GALNT13: variants seen among roughly 807,000 people sequenced by gnomAD.
The protein encoded by GALNT13 is UDP-GalNAc:polypeptide N-acetylgalactosaminyltransferase 13.
A neutral mutation model predicts 64.2 loss-of-function variants in GALNT13; 28 were observed. The ratio of observed to expected loss-of-function variants is 0.44; its 90% CI spans 0.32 to 0.60. The LOEUF is 0.60. GALNT13 is among the 20% of genes least tolerant of loss of function. The pLI, the probability that GALNT13 is intolerant of heterozygous loss-of-function variation, is 0.05. For synonymous variants in GALNT13, 214 were observed against 224.6 expected, an observed-to-expected ratio of 0.95 and a Z score of 0.42; for missense variants, 577 against 669.8, an observed-to-expected ratio of 0.86 and a Z score of 1.53.
intron 3 of GALNT13, among the ~76,000 whole-genome samples, chr2:154,099,879 G>T (rs898904351): frequency 1.3e-5 from 2 of 152,098 alleles, no homozygotes; most frequent in African/African-American, 2.4e-5. Context: ...GGTTGAGGCT[G>T]CAGTGAGCTG....
intron 4 of GALNT13, among the ~76,000 whole-genome samples, chr2:154,223,568 C>G (rs1194246970): frequency 6.6e-6 from 1 of 151,226 alleles, no homozygotes; most frequent in Non-Finnish European, 1.5e-5. Flanking sequence ...TCTCCTGCCT[C>G]AGCCTCCTGA....
At chr2:153,529,270 G>A in the GALNT13 span, among the ~76,000 whole-genome samples, 1 of 151,962 alleles carries the variant, frequency 6.6e-6, no homozygotes, top group Non-Finnish European at 1.5e-5. Context: ...ATGATTTGTG[G>A]CTACTATGAG....
chr2:153,524,094 G>T, the GALNT13 span, among the ~76,000 whole-genome samples: 2 of 151,984 alleles, frequency 1.3e-5, no homozygotes, highest in Non-Finnish European at 2.9e-5. Flanking sequence ...ACCTGTTGAC[G>T]TGATGAATTA....
At chr2:153,993,914 CT>C (rs921208978) in intron 3 of GALNT13, among the ~76,000 whole-genome samples, 27 of 151,668 alleles carry the variant, frequency 1.8e-4, no homozygotes, top group East Asian at 7.8e-4. Flanking sequence ...TAATTGTTTT[CT>C]TTTTTTTGTT....
At chr2:153,562,006 T>G in the GALNT13 span, among the ~76,000 whole-genome samples, 2 of 151,314 alleles carry the variant, frequency 1.3e-5, no homozygotes, top group Admixed American at 6.6e-5. Flanking sequence ...TTGCCCCTTT[T>G]CTTTACCATT....
the GALNT13 span, among the ~76,000 whole-genome samples, chr2:153,133,972 C>T: frequency 2.0e-5 from 3 of 152,166 alleles, no homozygotes; most frequent in African/African-American, 4.8e-5. Context: ...ATTTGGAATG[C>T]ATATCACTAC....
chr2:154,372,089 A>T (rs563074310), intron 9 of GALNT13, among the ~76,000 whole-genome samples: 1 of 152,124 alleles, frequency 6.6e-6, no homozygotes, highest in African/African-American at 2.4e-5. Flanking sequence ...TTTTCAGTCA[A>T]TAGTACAGAA....
the GALNT13 span, among the ~76,000 whole-genome samples, chr2:153,291,152 T>C: frequency 7.9e-5 from 12 of 152,350 alleles, no homozygotes; most frequent in South Asian, 2.5e-3. Flanking sequence ...GTCCTAATCA[T>C]GATTGTTAAT....
the GALNT13 span, among the ~76,000 whole-genome samples, chr2:153,149,288 C>T: frequency 6.6e-6 from 1 of 151,810 alleles, no homozygotes; most frequent in Non-Finnish European, 1.5e-5. Flanking sequence ...CAAGGTCCCA[C>T]AGAAATCAGC....
At chr2:154,454,968 A>G (rs1274679426), downstream of GALNT13, among the ~76,000 whole-genome samples, 1 of 152,140 alleles carries the variant, frequency 6.6e-6, no homozygotes, top group Non-Finnish European at 1.5e-5. Context: ...ATTAGGTTCT[A>G]TGTTATGGAG....
chr2:154,253,218 A>G (rs902579177), intron 7 of GALNT13, among the ~76,000 whole-genome samples: 1 of 152,176 alleles, frequency 6.6e-6, no homozygotes, highest in South Asian at 2.1e-4. Context: ...CAATCTAGCT[A>G]TGAAGTCCAG....
At chr2:154,042,723 T>TA (rs59381330) in intron 3 of GALNT13, among the ~76,000 whole-genome samples, 3 of 145,952 alleles carry the variant, frequency 2.1e-5, no homozygotes, top group African/African-American at 7.5e-5. Flanking sequence ...TATATATATA[T>TA]TAGGTTTTCA....
At chr2:153,653,670 G>A in the GALNT13 span, among the ~76,000 whole-genome samples, 1 of 152,068 alleles carries the variant, frequency 6.6e-6, no homozygotes, top group Admixed American at 6.6e-5. Flanking sequence ...TAAAGTCTAT[G>A]AGTATACATG....
the GALNT13 span, among the ~76,000 whole-genome samples, chr2:153,661,947 A>AGTCTTTCAAGTGGGATTGC: frequency 6.6e-6 from 1 of 152,206 alleles, no homozygotes; most frequent in Admixed American, 6.5e-5. Flanking sequence ...CTTGGGATAG[A>AGTCTTTCAAGTGGGATTGC]GTCTTTCAAG....
At chr2:153,373,561 T>A in the GALNT13 span, among the ~76,000 whole-genome samples, 1 of 152,188 alleles carries the variant, frequency 6.6e-6, no homozygotes, top group Non-Finnish European at 1.5e-5. Context: ...ATGCATACAT[T>A]TGCAAAGCTA....
chr2:154,088,883 G>T (rs568069346), intron 3 of GALNT13, among the ~76,000 whole-genome samples: 1 of 152,216 alleles, frequency 6.6e-6, no homozygotes, highest in South Asian at 2.1e-4. Context: ...TTATCCTGGG[G>T]CATAAATTTA....
chr2:153,258,122 A>G, the GALNT13 span, among the ~76,000 whole-genome samples: 1 of 152,236 alleles, frequency 6.6e-6, no homozygotes, highest in Non-Finnish European at 1.5e-5. Context: ...TCCTTATGGA[A>G]CAGAGTTTCA....
the GALNT13 span, among the ~76,000 whole-genome samples, chr2:153,727,953 T>C: frequency 2.0e-5 from 3 of 152,184 alleles, 1 homozygote; most frequent in Admixed American, 2.0e-4. Context: ...GTCCATGTGT[T>C]TGCATTGTTC....
intron 10 of GALNT13, among the ~76,000 whole-genome samples, chr2:154,400,420 T>A (rs1699249387): frequency 1.3e-5 from 2 of 152,154 alleles, no homozygotes; most frequent in Admixed American, 1.3e-4. Flanking sequence ...CAAACTCTAT[T>A]TGATATTGCT....
Sources: allele counts gnomAD v4.1 joint callset (sites outside exome capture counted in the v4.1 genomes callset), GRCh38; gene constraint gnomAD v4.1.1; transcripts MANE v1.5; gene names NCBI Gene and HGNC (gene_info 2026-07-23, HGNC 2026-07-21).